Variants in GPR158 observed in about 807,000 individuals in gnomAD.
The protein encoded by GPR158 is metabotropic glycine receptor.
In GPR158, 30 loss-of-function variants were observed where a neutral mutation model predicts 78.2. The observed-to-expected ratio is 0.38, with a 90% CI of 0.29 to 0.52. The LOEUF (loss-of-function observed/expected upper bound fraction) is 0.52, where lower values mean the gene tolerates loss of function less well. GPR158 is among the 20% of genes least tolerant of loss of function. The pLI, the probability that GPR158 is intolerant of heterozygous loss-of-function variation, is 0.83. For synonymous variants in GPR158, 581 were observed against 591.1 expected, an observed-to-expected ratio of 0.98 and a Z score of 0.25; for missense variants, 1,463 against 1,523.5, an observed-to-expected ratio of 0.96 and a Z score of 0.66.
intron 2 of GPR158, among the ~76,000 whole-genome samples, chr10:25,267,105 A>C (rs10508690): frequency 0.047 from 7,115 of 152,182 alleles, 571 homozygotes; most frequent in African/African-American, 0.16. Flanking sequence ...TTTCCAGATC[A>C]TATTATTAGC....
At chr10:25,505,835 A>G (rs1292846714) in intron 5 of GPR158, among the ~76,000 whole-genome samples, 2 of 152,100 alleles carry the variant, frequency 1.3e-5, no homozygotes, top group African/African-American at 4.8e-5. Context: ...CTTGTCCTGT[A>G]AGGCTCAACT....
chr10:25,310,831 C>G (rs1854753573), intron 2 of GPR158, among the ~76,000 whole-genome samples: 1 of 151,802 alleles, frequency 6.6e-6, no homozygotes, highest in South Asian at 2.1e-4. Context: ...AATATTTTTT[C>G]TATAACTTGT....
chr10:25,447,219 A>G (rs1328634026), intron 4 of GPR158, among the ~76,000 whole-genome samples: 1 of 152,186 alleles, frequency 6.6e-6, no homozygotes. Flanking sequence ...ATGAGTACAC[A>G]TATATATTTT....
chr10:25,510,915 A>G (rs969289378), intron 5 of GPR158, among the ~76,000 whole-genome samples: 9 of 152,230 alleles, frequency 5.9e-5, no homozygotes, highest in Non-Finnish European at 1.0e-4. Context: ...CACAGTATGT[A>G]TAAACCACAA....
chr10:25,444,844 G>T (rs1835119577), intron 4 of GPR158, among the ~76,000 whole-genome samples: 1 of 152,126 alleles, frequency 6.6e-6, no homozygotes, highest in East Asian at 1.9e-4. Context: ...TTAGAGAACA[G>T]TAGTCATGTG....
chr10:25,496,213 G>A (rs992997946), intron 5 of GPR158, among the ~76,000 whole-genome samples: 1 of 152,110 alleles, frequency 6.6e-6, no homozygotes, highest in African/African-American at 2.4e-5. Context: ...TTTCTATCCT[G>A]CTGTGATTTC....
At chr10:25,438,781 G>A (rs1018408433) in intron 4 of GPR158, among the ~76,000 whole-genome samples, 1 of 152,118 alleles carries the variant, frequency 6.6e-6, no homozygotes, top group African/African-American at 2.4e-5. Context: ...TTATAACTAG[G>A]CCAATCCTAG....
rs992615768 is a variant in GPR158 at position 25,600,613 on chromosome 10, A to G, written c.*1339A>G. On this transcript the variant is annotated 3_prime_UTR_variant, in exon 11 of 11. Transcript: ENST00000376351. ...TAAACTCTTATTCATTGCTTCAGCT[A>G]CAGGTAGAACTTGCTGGGCTCAAAT... is the stretch of plus-strand genomic sequence containing the variant. The G allele has an allele frequency of 6.6e-6, 1 of 152,610 alleles. No individual in the cohort carries two copies. The highest frequency in any genetic ancestry group is 2.4e-5 in the African/African-American group (1 of 41,454). The allele number at this position is 152,610 out of a possible 1,614,324, so 9.5% of individuals were successfully genotyped here.
chr10:25,440,830 G>T (rs530843902), intron 4 of GPR158, among the ~76,000 whole-genome samples: 1 of 152,112 alleles, frequency 6.6e-6, no homozygotes, highest in Non-Finnish European at 1.5e-5. Context: ...CTCTTAAGGG[G>T]TATATGTTAT....
chr10:25,303,584 A>G (rs931863268), intron 2 of GPR158, among the ~76,000 whole-genome samples: 8 of 152,234 alleles, frequency 5.3e-5, no homozygotes, highest in African/African-American at 1.9e-4. Context: ...AACCGTTAAT[A>G]AGTTAATATG....
chr10:25,326,380 A>T (rs1855033566), intron 2 of GPR158, among the ~76,000 whole-genome samples: 2 of 151,744 alleles, frequency 1.3e-5, no homozygotes, highest in Admixed American at 1.3e-4. Flanking sequence ...TTTTTAATTG[A>T]GTATTTATTT....
At chr10:25,425,708 C>T (rs1333533470) in intron 4 of GPR158, among the ~76,000 whole-genome samples, 1 of 151,008 alleles carries the variant, frequency 6.6e-6, no homozygotes, top group Non-Finnish European at 1.5e-5. Flanking sequence ...AAGAACAAAA[C>T]AAACAATCCC....
chr10:25,545,391 T>C (rs1026875440), intron 5 of GPR158, among the ~76,000 whole-genome samples: 1 of 152,200 alleles, frequency 6.6e-6, no homozygotes, highest in African/African-American at 2.4e-5. Context: ...TTTCTAATGA[T>C]TGTCATTCTA....
intron 2 of GPR158, among the ~76,000 whole-genome samples, chr10:25,265,919 G>A (rs898827338): frequency 2.0e-5 from 3 of 152,112 alleles, no homozygotes; most frequent in African/African-American, 7.2e-5. Flanking sequence ...GTTACCACCC[G>A]CCTGCTTAAA....
intron 2 of GPR158, among the ~76,000 whole-genome samples, chr10:25,318,596 G>A (rs1183056746): frequency 1.3e-5 from 2 of 152,000 alleles, no homozygotes; most frequent in African/African-American, 2.4e-5. Context: ...GTTCTGTATA[G>A]AGCTAATTTG....
intron 2 of GPR158, among the ~76,000 whole-genome samples, chr10:25,273,846 A>AT (rs1564408016): frequency 6.6e-6 from 1 of 151,534 alleles, no homozygotes; most frequent in Non-Finnish European, 1.5e-5. Context: ...CACCCGGCTA[A>AT]TTTTTTGTAT....
Position 25,552,689 on chromosome 10 carries a change from A to G in GPR158, c.1514+1604A>G, listed in dbSNP as rs145014029. Among the ~76,000 whole-genome samples, 131 of 152,306 alleles carry G rather than the reference A, an allele frequency of 8.6e-4. 1 individual carries two copies. The highest frequency in any genetic ancestry group is 2.8e-3 in the African/African-American group (118 of 41,570). Reference sequence around the variant, plus strand: ...TGAGTGAATGAATGAAAAATGTCAGATGAAGCCCTGGAAGCTGCTTCCCGT... The same window carrying G: ...TGAGTGAATGAATGAAAAATGTCAGGTGAAGCCCTGGAAGCTGCTTCCCGT... On this transcript the variant is annotated intron_variant, in intron 6 of 10. Coordinates refer to ENST00000376351, the MANE Select transcript of GPR158 (RefSeq NM_020752.3).
rs117369577 is a variant in GPR158 at position 25,245,373 on chromosome 10, T to C, written c.1008+24216T>C. Among the ~76,000 whole-genome samples, 1,330 of 152,332 alleles carry C rather than the reference T, an allele frequency of 8.7e-3. 14 individuals are homozygous for C. Among genetic ancestry groups the C allele is most frequent in the Non-Finnish European group, 0.015 (1,003 of 68,034 alleles). On this transcript the variant is annotated intron_variant, in intron 2 of 10. Transcript: ENST00000376351. ...GGATCATGGGATATGATTATTTCTT[T>C]TTATTAACACATATGATAGAGGGTT...
At chr10:25,574,652 C>T (rs1279084974) in intron 7 of GPR158, among the ~76,000 whole-genome samples, 3 of 152,090 alleles carry the variant, frequency 2.0e-5, no homozygotes, top group South Asian at 2.1e-4. Context: ...TTTGGGAGGC[C>T]GAGGTGGGTG....
Sources: gnomAD v4.1 joint callset for allele counts (sites outside exome capture counted in the v4.1 genomes callset) on GRCh38, gnomAD v4.1.1 for gene constraint, MANE v1.5 for transcripts, NCBI Gene and HGNC (gene_info 2026-07-23, HGNC 2026-07-21) for gene names.